CACNA2D1: variants seen among roughly 807,000 people sequenced by gnomAD.
CACNA2D1 encodes calcium voltage-gated channel auxiliary subunit alpha2delta 1.
Under a neutral mutation model 171.5 loss-of-function variants are expected in CACNA2D1, and 53 were observed. The observed-to-expected ratio is 0.31, with a 90% CI of 0.25 to 0.39. The LOEUF is 0.39. Ranked by LOEUF, CACNA2D1 falls within the 10% of genes least tolerant of loss-of-function variation. The pLI is 1.00. For missense variants in CACNA2D1, 903 were observed against 1,299.8 expected, an observed-to-expected ratio of 0.69 and a Z score of 4.69; for synonymous variants, 442 against 443.1, an observed-to-expected ratio of 1.00 and a Z score of 0.03.
At chr7:82,277,763 T>TTTTA (rs1809548857) in intron 3 of CACNA2D1, among the ~76,000 whole-genome samples, 1 of 150,710 alleles carries the variant, frequency 6.6e-6, no homozygotes, top group African/African-American at 2.4e-5. Flanking sequence ...TTTTTTTTTT[T>TTTTA]GAGATGGAGT....
At chr7:82,415,442 G>A (rs1828073149) in intron 1 of CACNA2D1, among the ~76,000 whole-genome samples, 1 of 151,996 alleles carries the variant, frequency 6.6e-6, no homozygotes, top group Non-Finnish European at 1.5e-5. Context: ...GCTGGGGCAG[G>A]AGAATCACTT....
intron 3 of CACNA2D1, among the ~76,000 whole-genome samples, chr7:82,325,144 A>T (rs961714139): frequency 9.2e-5 from 14 of 152,194 alleles, no homozygotes; most frequent in Non-Finnish European, 1.9e-4. Context: ...TGTTAAAAAC[A>T]TTGAGATTGG....
At position 82,097,651 on chromosome 7, in the gene CACNA2D1, A is replaced by G. The variant is rs138190327; in HGVS notation, c.527-12751T>C. 9.1e-3 allele frequency among the ~76,000 whole-genome samples: 1,388 copies of G among 152,062 alleles called. 21 individuals are homozygous for G. Among genetic ancestry groups the G allele is most frequent in the African/African-American group, 0.032 (1,323 of 41,502 alleles). On this transcript the variant is annotated intron_variant, in intron 6 of 38. Coordinates refer to ENST00000356860, the MANE Select transcript of CACNA2D1 (RefSeq NM_000722.4). Reference sequence around the variant, plus strand: ...GAGGTGCTTCTGAGATATCCATTAAACCGCGTTGTTTAAAAAAGGCAATCA... The same window carrying G: ...GAGGTGCTTCTGAGATATCCATTAAGCCGCGTTGTTTAAAAAAGGCAATCA...
chr7:81,954,332 TA>T (rs1792963648), intron 38 of CACNA2D1, among the ~76,000 whole-genome samples: 2 of 151,894 alleles, frequency 1.3e-5, no homozygotes, highest in African/African-American at 4.8e-5. Flanking sequence ...TAAAATATGA[TA>T]AAACTAATTT....
intron 1 of CACNA2D1, among the ~76,000 whole-genome samples, chr7:82,423,740 G>A (rs1296768639): frequency 3.3e-5 from 5 of 152,080 alleles, no homozygotes; most frequent in Admixed American, 2.6e-4. Flanking sequence ...ATCTTCTATT[G>A]TAGTTTTTGT....
At chr7:82,014,922 G>A (rs1417233637) in intron 12 of CACNA2D1, among the ~76,000 whole-genome samples, 2 of 152,248 alleles carry the variant, frequency 1.3e-5, no homozygotes, top group Non-Finnish European at 2.9e-5. Context: ...GGGCCTTATG[G>A]TGGGTGCCTG....
chr7:82,357,793 A>G (rs1415556487), intron 1 of CACNA2D1, among the ~76,000 whole-genome samples: 1 of 151,658 alleles, frequency 6.6e-6, no homozygotes, highest in Non-Finnish European at 1.5e-5. Context: ...GCACACCAAC[A>G]TGGCACATGT....
intron 1 of CACNA2D1, among the ~76,000 whole-genome samples, chr7:82,378,280 T>A (rs1405589351): frequency 6.6e-6 from 1 of 152,104 alleles, no homozygotes; most frequent in African/African-American, 2.4e-5. Context: ...GTGCCTGTAG[T>A]CCCAGCTACT....
rs764123114 is a variant in CACNA2D1, at chr7:81,964,310, A to G, written c.2624T>C (p.Val875Ala). ...EIDPSLMRHL[V>A]NISVYAFNKS... The stretch of plus-strand genomic sequence containing the variant: ...GTTAAAAGCATAAACTGATATATTA[A>G]CCAGGTGTCTCATCAAGCTGGGATC... Residue 875 changes from valine to alanine, a missense_variant, in exon 33 of 39, where the codon GTT (valine) becomes GCT (alanine). Physicochemically the swap from Val to Ala is moderately conservative, Grantham distance 64 (BLOSUM62 0). This residue lies in a region of CACNA2D1 where 623 missense variants were observed against 925.5 expected (regional missense o/e 0.67). Coordinates refer to ENST00000356860, the MANE Select transcript of CACNA2D1 (RefSeq NM_000722.4). 4.3e-6 allele frequency: 7 copies of G among 1,612,102 alleles called. No individual in the cohort carries two copies. The highest frequency in any genetic ancestry group is 5.1e-6 in the Non-Finnish European group (6 of 1,178,688).
rs143041131 is a variant in CACNA2D1, at chr7:82,163,824, G to A, written c.354+6726C>T. On this transcript the variant is annotated intron_variant, in intron 4 of 38. Transcript: ENST00000356860. Reference sequence around the variant, plus strand: ...ATCCATCAAGAGACTGTGCCAACTTGCTTGTGAACACCTGAGACAAACCCT... The same window carrying A: ...ATCCATCAAGAGACTGTGCCAACTTACTTGTGAACACCTGAGACAAACCCT... Among the ~76,000 whole-genome samples the A allele has an allele frequency of 5.3e-5, 8 of 152,066 alleles. No homozygotes were observed. In the East Asian group the frequency reaches 1.6e-3, roughly 30 times the overall value.
intron 10 of CACNA2D1, among the ~76,000 whole-genome samples, chr7:82,046,219 C>A (rs940556448): frequency 6.6e-6 from 1 of 152,080 alleles, no homozygotes; most frequent in African/African-American, 2.4e-5. Context: ...AAAAGTACTG[C>A]TAGTTAATTC....
Position 81,946,970 on chromosome 7 carries a change from A to C in CACNA2D1, c.*3422T>G, listed in dbSNP as rs766311254. 1 of 152,110 alleles carries C rather than the reference A, an allele frequency of 6.6e-6. No homozygotes were observed. Among genetic ancestry groups the C allele is most frequent in the Non-Finnish European group, 1.5e-5 (1 of 67,986 alleles). 9.4% of individuals were successfully genotyped at this position (152,110 alleles called of 1,614,324 possible). ...GGAAACAATACAAGTTTAGATGAAAAAATATTTAAAATTTTGGGCAAGTGA... is the reference window on the plus strand; with the variant it reads ...GGAAACAATACAAGTTTAGATGAAACAATATTTAAAATTTTGGGCAAGTGA... On this transcript the variant is annotated 3_prime_UTR_variant, in exon 39 of 39. Coordinates refer to ENST00000356860, the MANE Select transcript of CACNA2D1 (RefSeq NM_000722.4).
chr7:81,968,965 G>C lies in CACNA2D1; in HGVS notation c.2317C>G (p.Pro773Ala), dbSNP rs1268971839. The change falls in exon 29 of 39, where the codon CCT (proline) becomes GCT (alanine). Residue 773 changes from proline (P) to alanine (A), a missense_variant. By Grantham distance (27) the Pro-to-Ala change is conservative. This residue lies in a region of CACNA2D1 where 623 missense variants were observed against 925.5 expected (regional missense o/e 0.67). Coordinates refer to ENST00000356860, the MANE Select transcript of CACNA2D1 (RefSeq NM_000722.4). ...ATAATGCCCGATTCATAGGCACCAG[G>C]TCCACTTTCTAAAAAAAAAATAAAT... is the stretch of plus-strand genomic sequence containing the variant. Reference protein sequence around the residue: ...FTAPYFNKSGPGAYESGIMVS... With the variant: ...FTAPYFNKSGAGAYESGIMVS... 16 of 1,565,270 alleles carry C rather than the reference G, an allele frequency of 1.0e-5. No individual in the cohort carries two copies. The highest frequency in any genetic ancestry group is 1.4e-5 in the Non-Finnish European group (16 of 1,139,630).
intron 6 of CACNA2D1, among the ~76,000 whole-genome samples, chr7:82,100,290 C>T (rs1258069920): frequency 6.6e-6 from 1 of 151,814 alleles, no homozygotes; most frequent in African/African-American, 2.4e-5. Flanking sequence ...AAGGGTATGC[C>T]CTGTGATCTT....
chr7:82,433,210 G>A (rs1010415615), intron 1 of CACNA2D1, among the ~76,000 whole-genome samples: 7 of 151,508 alleles, frequency 4.6e-5, no homozygotes, highest in African/African-American at 4.9e-5. Flanking sequence ...AAATTCTAAC[G>A]ACATGTTATA....
chr7:82,205,975 G>T (rs1325791126), intron 3 of CACNA2D1, among the ~76,000 whole-genome samples: 1 of 151,840 alleles, frequency 6.6e-6, no homozygotes, highest in African/African-American at 2.4e-5. Flanking sequence ...TTAATTAAAA[G>T]TTAAAGAAAA....
At chr7:82,102,146 T>C (rs979533870) in intron 6 of CACNA2D1, among the ~76,000 whole-genome samples, 3 of 152,034 alleles carry the variant, frequency 2.0e-5, no homozygotes, top group Non-Finnish European at 4.4e-5. Context: ...AGAAAAAGGA[T>C]AGAAGATTGA....
At position 81,950,516 on chromosome 7, in the gene CACNA2D1, TAAAAA is replaced by T. The variant is rs367960608; in HGVS notation, c.3160-13_3160-9del. 1 of 1,454,164 alleles carries T rather than the reference TAAAAA, an allele frequency of 6.9e-7. No homozygotes were observed. The highest frequency in any genetic ancestry group is 9.3e-7 in the Non-Finnish European group (1 of 1,070,088). 90.1% of individuals were successfully genotyped at this position (1,454,164 alleles called of 1,614,324 possible). A position where few individuals can be genotyped will look rare whatever the true frequency, so the allele number is the denominator to read the frequency against. On this transcript the variant is annotated splice_polypyrimidine_tract_variant and intron_variant, in intron 38 of 38. Transcript: ENST00000356860. ...ACAGTCAGTATAATCCTCCTGTTGT[TAAAAA>T]AAAAAGAAAAGAACAGAAAAAGAAA...
intron 10 of CACNA2D1, chr7:82,050,798 G>A (rs1233346541): frequency 3.5e-6 from 2 of 571,246 alleles, no homozygotes; most frequent in African/African-American, 3.8e-5. Flanking sequence ...CACTTTACAT[G>A]TGACATTTCA....
Sources: allele counts gnomAD v4.1 joint callset (sites outside exome capture counted in the v4.1 genomes callset), GRCh38; gene constraint gnomAD v4.1.1; regional missense constraint gnomAD v4.1.1; transcripts MANE v1.5; gene names NCBI Gene and HGNC (gene_info 2026-07-23, HGNC 2026-07-21).